TTC29: variants seen among roughly 807,000 people sequenced by gnomAD.
TTC29 encodes the protein tetratricopeptide repeat protein 29.
Under a neutral mutation model 58.1 loss-of-function variants are expected in TTC29, and 49 were observed. The ratio of observed to expected loss-of-function variants is 0.84; its 90% CI spans 0.67 to 1.07. The LOEUF is 1.07. Ranked by LOEUF, TTC29 falls within the 50% of genes least tolerant of loss-of-function variation. TTC29 has a pLI of 0.00. For missense variants in TTC29, 582 were observed against 555.6 expected, an observed-to-expected ratio of 1.05 and a Z score of -0.48; for synonymous variants, 209 against 196.8, an observed-to-expected ratio of 1.06 and a Z score of -0.52.
rs138062337 is a variant in TTC29 at position 146,892,067 on chromosome 4, C to G, written c.586+11477G>C. Among the ~76,000 whole-genome samples, 1,475 of 152,204 alleles carry G rather than the reference C, an allele frequency of 9.7e-3. 15 individuals are homozygous for G. The highest frequency in any genetic ancestry group is 0.068 in the Middle Eastern group (20 of 294). On this transcript the variant is annotated intron_variant, in intron 6 of 12. Transcript: ENST00000325106. ...CCCAAATCTAATGTCAAATTTTAAT[C>G]CTCAGTGTTGGAGGAGGTATCTGGT...
chr4:146,877,399 A>G (rs540563013), intron 6 of TTC29, among the ~76,000 whole-genome samples: 1 of 152,250 alleles, frequency 6.6e-6, no homozygotes, highest in African/African-American at 2.4e-5. Flanking sequence ...CCTTTTTCAC[A>G]TTGAGACCAA....
intron 8 of TTC29, among the ~76,000 whole-genome samples, chr4:146,835,883 T>G (rs545238760): frequency 6.6e-6 from 1 of 152,242 alleles, no homozygotes; most frequent in East Asian, 1.9e-4. Flanking sequence ...TGTTGATGGC[T>G]CCTATCCCAC....
intron 11 of TTC29, among the ~76,000 whole-genome samples, chr4:146,783,411 ATACTTT>A (rs1197866970): frequency 6.6e-6 from 1 of 151,916 alleles, no homozygotes; most frequent in Admixed American, 6.6e-5. Context: ...GCCAATGAAA[ATACTTT>A]TACTTTGGGG....
At chr4:146,871,836 T>C (rs1034349172) in intron 7 of TTC29, among the ~76,000 whole-genome samples, 5 of 152,002 alleles carry the variant, frequency 3.3e-5, no homozygotes, top group Admixed American at 6.6e-5. Flanking sequence ...CCTAAATTGA[T>C]TGACAGATTC....
chr4:146,871,374 A>T (rs1730920615), intron 7 of TTC29, among the ~76,000 whole-genome samples: 1 of 151,914 alleles, frequency 6.6e-6, no homozygotes, highest in Non-Finnish European at 1.5e-5. Context: ...ACCCTCAGTA[A>T]ATATCATACT....
chr4:146,853,196 T>C (rs1729621745), intron 8 of TTC29, among the ~76,000 whole-genome samples: 1 of 152,128 alleles, frequency 6.6e-6, no homozygotes, highest in African/African-American at 2.4e-5. Flanking sequence ...TTGTAGAAAA[T>C]GTTGAGAATA....
At chr4:146,892,411 A>C (rs1732436352) in intron 6 of TTC29, among the ~76,000 whole-genome samples, 1 of 152,238 alleles carries the variant, frequency 6.6e-6, no homozygotes, top group Non-Finnish European at 1.5e-5. Flanking sequence ...TCTAGCATAT[A>C]AACAGAACCA....
chr4:146,906,497 T>C (rs1733529629), intron 5 of TTC29, among the ~76,000 whole-genome samples: 1 of 152,218 alleles, frequency 6.6e-6, no homozygotes, highest in Non-Finnish European at 1.5e-5. Flanking sequence ...AACTTTAAGA[T>C]ACTATTAACA....
chr4:146,835,746 C>T (rs1173522268), intron 8 of TTC29, among the ~76,000 whole-genome samples: 2 of 152,054 alleles, frequency 1.3e-5, no homozygotes, highest in South Asian at 2.1e-4. Context: ...CTCTCATGAC[C>T]CTGATCTCCA....
chr4:146,897,840 C>A (rs773391255), intron 6 of TTC29, among the ~76,000 whole-genome samples: 4 of 152,124 alleles, frequency 2.6e-5, no homozygotes. Context: ...AGAAGCAAGT[C>A]AGGAAAGCAG....
rs59050226 is a variant in TTC29, at chr4:146,939,799, C to T, written c.92+5G>A. 22,403 of 1,609,506 alleles carry T rather than the reference C, an allele frequency of 0.014. 2,685 individuals are homozygous for T. The African/African-American group carries it at 0.26, about 19-fold the overall frequency. On this transcript the variant is annotated splice_donor_5th_base_variant and intron_variant, in intron 3 of 12. Transcript: ENST00000325106. ...GGAAAATAAGTAAAAACCAGGGGCA[C>T]GTACCTTGGAATTTTTCTGGAGGAG...
intron 10 of TTC29, among the ~76,000 whole-genome samples, chr4:146,808,481 T>A (rs1750779264): frequency 6.6e-6 from 1 of 152,066 alleles, no homozygotes; most frequent in Admixed American, 6.6e-5. Context: ...GATTATATAT[T>A]TAGAAAACCC....
chr4:146,765,594 T>C (rs1026206563), intron 11 of TTC29, among the ~76,000 whole-genome samples: 6 of 152,192 alleles, frequency 3.9e-5, no homozygotes, highest in Non-Finnish European at 8.8e-5. Context: ...AATTTCTTCC[T>C]GAAAGCATCT....
chr4:146,867,475 C>A, intron 8 of TTC29, 23 bp downstream of exon 8: 1 of 1,174,916 alleles, frequency 8.5e-7, no homozygotes, highest in Non-Finnish European at 1.2e-6. Flanking sequence ...TTAAAAATGG[C>A]AGTGATTAAA....
At chr4:146,910,135 T>C (rs1276910405) in intron 4 of TTC29, among the ~76,000 whole-genome samples, 2 of 151,884 alleles carry the variant, frequency 1.3e-5, no homozygotes, top group African/African-American at 4.8e-5. Flanking sequence ...ACAAACGACA[T>C]GATGTGATAC....
At chr4:146,812,029 A>T (rs1561148640) in intron 10 of TTC29, among the ~76,000 whole-genome samples, 1 of 133,948 alleles carries the variant, frequency 7.5e-6, no homozygotes, top group Non-Finnish European at 1.6e-5. Flanking sequence ...TTATATAAGA[A>T]AAAAAGTTAA....
rs116120644 is a variant in TTC29, at chr4:146,816,286, G to A, written c.1101+3839C>T. Among the ~76,000 whole-genome samples the A allele has an allele frequency of 8.6e-3, 1,303 of 152,240 alleles. 19 individuals carry two copies. Among genetic ancestry groups the A allele is most frequent in the African/African-American group, 0.03 (1,229 of 41,514 alleles). ...ACTATATCTTTTCTTCTATGCTATA[G>A]GAGATGCTCCCTCATTAGACTGTGA... On this transcript the variant is annotated intron_variant, in intron 10 of 12. Coordinates refer to ENST00000325106, the MANE Select transcript of TTC29 (RefSeq NM_031956.4).
chr4:146,729,627 G>A (rs1744180716), intron 11 of TTC29, among the ~76,000 whole-genome samples: 1 of 152,066 alleles, frequency 6.6e-6, no homozygotes, highest in Non-Finnish European at 1.5e-5. Context: ...CTGCTATAAA[G>A]AACTGCCTGA....
chr4:146,831,692 G>C (rs1396776311), intron 9 of TTC29: 2 of 449,394 alleles, frequency 4.5e-6, no homozygotes, highest in South Asian at 3.2e-5. Flanking sequence ...ACTTAGCCTT[G>C]ACTGAATCGA....
Sources: gnomAD v4.1 joint callset for allele counts (sites outside exome capture counted in the v4.1 genomes callset) on GRCh38, gnomAD v4.1.1 for gene constraint, MANE v1.5 for transcripts, NCBI Gene and HGNC (gene_info 2026-07-23, HGNC 2026-07-21) for gene names.